Variants in ATAD2B observed in about 807,000 individuals in gnomAD.
The protein encoded by ATAD2B is ATPase family AAA domain containing 2B, also known as ATPase family AAA domain-containing protein 2B.
A neutral mutation model predicts 167.6 loss-of-function variants in ATAD2B; 40 were observed. The ratio of observed to expected loss-of-function variants is 0.24; its 90% confidence interval spans 0.19 to 0.31. The LOEUF is 0.31. Among genes scored for constraint, ATAD2B ranks in the 10% least tolerant of loss-of-function variants. ATAD2B has a pLI of 1.00. For synonymous variants in ATAD2B, 579 were observed against 596.5 expected, an observed-to-expected ratio of 0.97 and a Z score of 0.43; for missense variants, 1,242 against 1,757.2, an observed-to-expected ratio of 0.71 and a Z score of 5.24.
At chr2:23,776,219 C>G (rs750393815) in intron 22 of ATAD2B, among the ~76,000 whole-genome samples, 7 of 152,218 alleles carry the variant, frequency 4.6e-5, no homozygotes, top group Non-Finnish European at 7.3e-5. Context: ...GCCCATAAAT[C>G]TGTTCCTCCA....
the ATAD2B span, among the ~76,000 whole-genome samples, chr2:23,698,712 TG>T: frequency 2.6e-5 from 4 of 152,150 alleles, no homozygotes; most frequent in Non-Finnish European, 5.9e-5. Context: ...GCAGTCACTG[TG>T]GTTACTGGAT....
chr2:23,915,988 G>A (rs1306772321), intron 1 of ATAD2B, among the ~76,000 whole-genome samples: 3 of 152,110 alleles, frequency 2.0e-5, no homozygotes, highest in South Asian at 4.1e-4. Flanking sequence ...CTTATTTGGA[G>A]GTTATGATCA....
the ATAD2B span, chr2:23,691,469 T>A: frequency 1.7e-6 from 1 of 597,228 alleles, no homozygotes; most frequent in South Asian, 2.0e-5. Flanking sequence ...ATAAGCAGGG[T>A]TTTCTGTTCT....
intron 27 of ATAD2B, among the ~76,000 whole-genome samples, chr2:23,753,090 AT>A (rs1437106213): frequency 6.6e-6 from 1 of 152,126 alleles, no homozygotes; most frequent in Admixed American, 6.6e-5. Flanking sequence ...AGACACTTGC[AT>A]TTTTTCCTTC....
intron 23 of ATAD2B, among the ~76,000 whole-genome samples, chr2:23,763,542 T>A (rs1211891119): frequency 6.6e-6 from 1 of 152,226 alleles, no homozygotes; most frequent in African/African-American, 2.4e-5. Flanking sequence ...AAAGAAATCA[T>A]ACAATATGTA....
At chr2:23,832,083 C>A (rs1239161354) in intron 14 of ATAD2B, 1 of 344,694 alleles carries the variant, frequency 2.9e-6, no homozygotes, top group Admixed American at 4.0e-5. Context: ...AATACAATGA[C>A]GAATTTTCTG....
In ATAD2B at chr2:23,818,096, TACACAC is replaced by T. The variant is rs70941591; in HGVS notation, c.2267+1645_2267+1650del. ...CACATAAACACACACACACACACATTACACACACACACACACACACACACATTACAC... is the reference window on the plus strand; with the variant it reads ...CACATAAACACACACACACACACATTACACACACACACACACACATTACAC... On this transcript the variant is annotated intron_variant, in intron 17 of 27. Transcript: ENST00000238789. Among the ~76,000 whole-genome samples, 1,343 of 139,514 alleles carry T rather than the reference TACACAC, an allele frequency of 9.6e-3. 33 individuals are homozygous for T. The highest frequency in any genetic ancestry group is 0.015 in the Non-Finnish European group (965 of 64,436). 91.5% of individuals were successfully genotyped at this position (139,514 alleles called of 152,430 possible). A position where few individuals can be genotyped will look rare whatever the true frequency, so the allele number is the denominator to read the frequency against.
chr2:23,888,926 G>A (rs1699073947), intron 2 of ATAD2B, among the ~76,000 whole-genome samples: 1 of 152,096 alleles, frequency 6.6e-6, no homozygotes, highest in Non-Finnish European at 1.5e-5. Context: ...TTGGGTGGAA[G>A]AAGAGAAATG....
the ATAD2B span, among the ~76,000 whole-genome samples, chr2:23,730,665 CAAAAAA>C: frequency 5.9e-3 from 189 of 31,988 alleles, 2 homozygotes; most frequent in African/African-American, 0.014. Context: ...GACTCCGTTT[CAAAAAA>C]AAAAAAAAAA....
chr2:23,725,173 CT>C, the ATAD2B span, among the ~76,000 whole-genome samples: 1 of 151,656 alleles, frequency 6.6e-6, no homozygotes, highest in South Asian at 2.1e-4. Flanking sequence ...TTTTAAAGTG[CT>C]GAAAGGGCAG....
At chr2:23,766,706 T>C (rs1028347556) in intron 22 of ATAD2B, among the ~76,000 whole-genome samples, 3 of 152,080 alleles carry the variant, frequency 2.0e-5, no homozygotes, top group Non-Finnish European at 4.4e-5. Flanking sequence ...GAACAAATCA[T>C]CTCTCATACA....
intron 15 of ATAD2B, among the ~76,000 whole-genome samples, chr2:23,824,360 C>T (rs1687922251): frequency 6.6e-6 from 1 of 152,164 alleles, no homozygotes; most frequent in African/African-American, 2.4e-5. Flanking sequence ...GTCCTCATGA[C>T]ATCATACTCA....
rs1234298382 is a variant in ATAD2B at position 23,913,726 on chromosome 2, C to T, written c.216+12829G>A. On this transcript the variant is annotated intron_variant, in intron 1 of 27. Coordinates refer to ENST00000238789, the MANE Select transcript of ATAD2B (RefSeq NM_017552.4). ...TTAAAATTGAAAAACAACCCCCAAA[C>T]ATCTAAGTCAACCTTGAAAAATAAC... Among the ~76,000 whole-genome samples, 5 of 151,542 alleles carry T rather than the reference C, an allele frequency of 3.3e-5. No individual in the cohort carries two copies. The East Asian group carries it at 9.7e-4, about 29-fold the overall frequency.
At chr2:23,896,137 G>A (rs867427948) in intron 1 of ATAD2B, among the ~76,000 whole-genome samples, 167 bp from the exon 2 acceptor site, 2 of 143,666 alleles carry the variant, frequency 1.4e-5, no homozygotes, top group African/African-American at 2.6e-5. Context: ...CCAACATGGT[G>A]AAACCCCGCC....
At chr2:23,897,321 T>C (rs1023750538) in intron 1 of ATAD2B, among the ~76,000 whole-genome samples, 71 of 152,320 alleles carry the variant, frequency 4.7e-4, no homozygotes, top group African/African-American at 1.7e-3. Flanking sequence ...GTCTGCCAGG[T>C]TTCTTCACTG....
chr2:23,822,521 G>A (rs1289928414), intron 16 of ATAD2B, among the ~76,000 whole-genome samples: 1 of 151,998 alleles, frequency 6.6e-6, no homozygotes, highest in South Asian at 2.1e-4. Context: ...TTCCAACCTA[G>A]GTGACAGAGT....
intron 1 of ATAD2B, among the ~76,000 whole-genome samples, chr2:23,901,672 G>A (rs1700857113): frequency 6.6e-6 from 1 of 152,104 alleles, no homozygotes. Context: ...GGCTCATGGT[G>A]AATTAAGTTT....
At chr2:23,693,480 C>T in the ATAD2B span, 44 of 1,551,496 alleles carry the variant, frequency 2.8e-5, no homozygotes, top group Non-Finnish European at 3.4e-5. Context: ...AGCTGGTGTA[C>T]GAGACAGTCA....
At chr2:23,710,193 T>C in the ATAD2B span, among the ~76,000 whole-genome samples, 1 of 152,218 alleles carries the variant, frequency 6.6e-6, no homozygotes, top group Non-Finnish European at 1.5e-5. Flanking sequence ...ACAAAGGATT[T>C]ATCTCTTTAT....
Sources: allele counts gnomAD v4.1 joint callset (sites outside exome capture counted in the v4.1 genomes callset), GRCh38; gene constraint gnomAD v4.1.1; transcripts MANE v1.5; gene names NCBI Gene and HGNC (gene_info 2026-07-23, HGNC 2026-07-21).